Variants in ABCA9 observed in about 807,000 individuals in gnomAD.
ABCA9 encodes ATP binding cassette subfamily A member 9, also known as ATP-binding cassette sub-family A member 9.
In ABCA9, 183 loss-of-function variants were observed where a neutral mutation model predicts 205.3. The ratio of observed to expected loss-of-function variants is 0.89; its 90% CI spans 0.79 to 1.01. The LOEUF (loss-of-function observed/expected upper bound fraction) is 1.01. ABCA9 is among the 50% of genes least tolerant of loss of function. The pLI, the probability that ABCA9 is intolerant of heterozygous loss-of-function variation, is 0.00. For missense variants in ABCA9, 1,805 were observed against 1,912.4 expected, an observed-to-expected ratio of 0.94 and a Z score of 1.05; for synonymous variants, 651 against 683.3, an observed-to-expected ratio of 0.95 and a Z score of 0.74.
intron 12 of ABCA9, 103 bp downstream of exon 12, chr17:69,028,432 T>TG: frequency 1.5e-6 from 1 of 683,448 alleles, no homozygotes; most frequent in Non-Finnish European, 2.3e-6. Flanking sequence ...CCCAAAGTGC[T>TG]GGGATTACAG....
Position 69,020,596 on chromosome 17 carries a change from A to G in ABCA9, c.2402-10T>C. On this transcript the variant is annotated splice_polypyrimidine_tract_variant and intron_variant, in intron 18 of 38. Coordinates refer to ENST00000340001, the MANE Select transcript of ABCA9 (RefSeq NM_080283.4). ...CCCCAAATTCCAATATCTAAAACAT[A>G]AGATCAATATTTTATAAAGTGCCAT... The G allele has an allele frequency of 1.2e-6, 2 of 1,609,350 alleles. No homozygotes were observed. The highest frequency in any genetic ancestry group is 1.7e-6 in the Non-Finnish European group (2 of 1,176,750).
At position 68,982,607 on chromosome 17, in the gene ABCA9, C is replaced by T; in HGVS notation, c.4675G>A (p.Glu1559Lys). Residue 1559 changes from glutamate to lysine, a missense_variant, in exon 37 of 39, where the codon GAG becomes AAG. Physicochemically the swap from Glu to Lys is moderately conservative, Grantham distance 56. Coordinates refer to ENST00000340001, the MANE Select transcript of ABCA9 (RefSeq NM_080283.4). ...GCCTGTGATAAAGGTCGCACATCCT[C>T]AACAGGCAACTTATAGACCATCAGG... The part of the protein sequence containing the change: ...SSLMVYKLPV[E>K]DVRPLSQAFF... 1.9e-6 allele frequency: 3 copies of T among 1,614,070 alleles called. No homozygotes were observed. The highest frequency in any genetic ancestry group is 1.6e-4 in the Middle Eastern group (1 of 6,062).
In ABCA9 at chr17:69,016,279, G is replaced by C. The variant is rs779797453; in HGVS notation, c.3013C>G (p.Gln1005Glu). 17 of 1,593,532 alleles carry C rather than the reference G, an allele frequency of 1.1e-5. No individual in the cohort carries two copies. Among genetic ancestry groups the C allele is most frequent in the Non-Finnish European group, 1.4e-5 (17 of 1,172,444 alleles). ...LGIFNSSEHI[Q>E]TDRSTFFEEH... ...TCAAAAAATGTGCTTCTGTCAGTCT[G>C]AATGTGTTCTGACGAATTAAAAATT... is the stretch of plus-strand genomic sequence containing the variant. Residue 1005 changes from glutamine to glutamate, a missense_variant, in exon 22 of 39, where the codon CAG (glutamine) becomes GAG (glutamate). Physicochemically the swap from Gln to Glu is conservative, Grantham distance 29. Transcript: ENST00000340001.
chr17:68,983,793 T>A lies in ABCA9; in HGVS notation c.4556A>T (p.Glu1519Val), dbSNP rs1483066539. ...TTGTGCCAGGTTCTTCAGCTTCATCTCCAGCAGGTAGTCTTTGCCAAATTT... is the reference window on the plus strand; with the variant it reads ...TTGTGCCAGGTTCTTCAGCTTCATCACCAGCAGGTAGTCTTTGCCAAATTT... ...KSKFGKDYLLEMKLKNLAQME... is the reference protein window; with the variant it reads ...KSKFGKDYLLVMKLKNLAQME... The change falls in exon 36 of 39, where the codon GAG (glutamate) becomes GTG (valine). Residue 1519 changes from glutamate (E) to valine (V), a missense_variant. Transcript: ENST00000340001. 4 of 1,614,074 alleles carry A rather than the reference T, an allele frequency of 2.5e-6. No individual in the cohort carries two copies. The highest frequency in any genetic ancestry group is 3.4e-6 in the Non-Finnish European group (4 of 1,180,048).
At chr17:69,013,993 A>C (rs1464292686) in intron 22 of ABCA9, among the ~76,000 whole-genome samples, 1 of 152,154 alleles carries the variant, frequency 6.6e-6, no homozygotes, top group Non-Finnish European at 1.5e-5. Context: ...TAGTGAAGAC[A>C]TCTTTTTAAA....
At chr17:68,986,103 G>A (rs1199153125) in intron 32 of ABCA9, 61 bp downstream of exon 32, 1 of 1,492,432 alleles carries the variant, frequency 6.7e-7, no homozygotes. Flanking sequence ...TTCATTTTGT[G>A]TGTATGTTAT....
At chr17:68,995,698 TG>T (rs5821694) in intron 26 of ABCA9, among the ~76,000 whole-genome samples, 196 bp downstream of exon 26, 102,404 of 152,008 alleles carry the variant, frequency 0.67, 34,909 homozygotes, top group Middle Eastern at 0.73. Context: ...GCCTTTGACT[TG>T]TCATAAACCA....
intron 4 of ABCA9, 61 bp from the exon 5 acceptor site, chr17:69,044,661 C>A: frequency 2.1e-6 from 3 of 1,463,212 alleles, no homozygotes; most frequent in Non-Finnish European, 2.8e-6. Context: ...CAGAAAAAAA[C>A]AAAATTTCAA....
chr17:69,001,841 C>G (rs979495917), intron 25 of ABCA9, among the ~76,000 whole-genome samples: 113 of 152,164 alleles, frequency 7.4e-4, no homozygotes, highest in African/African-American at 2.6e-3. Context: ...CTGGTTTAGT[C>G]TTGGGAGAGT....
intron 37 of ABCA9, among the ~76,000 whole-genome samples, chr17:68,978,420 C>T (rs1039098998): frequency 3.3e-5 from 5 of 152,240 alleles, no homozygotes; most frequent in African/African-American, 4.8e-5. Flanking sequence ...GATTCTTTAT[C>T]TAATTTGCCA....
At chr17:69,037,635 C>T (rs1270745812) in intron 6 of ABCA9, among the ~76,000 whole-genome samples, 1 of 151,994 alleles carries the variant, frequency 6.6e-6, no homozygotes, top group Non-Finnish European at 1.5e-5. Flanking sequence ...AATTGATACC[C>T]TAACATCACA....
chr17:69,008,675 T>A (rs1351363797), intron 23 of ABCA9, among the ~76,000 whole-genome samples: 2 of 152,222 alleles, frequency 1.3e-5, no homozygotes, highest in Admixed American at 6.5e-5. Flanking sequence ...TAAGAAATGG[T>A]CCTCTAGTTG....
Position 69,045,265 on chromosome 17 carries a change from C to G in ABCA9, c.376G>C (p.Val126Leu). Residue 126 changes from valine (V) to leucine (L), a missense_variant, in exon 4 of 39, where the codon GTG (valine) becomes CTG (leucine). Val to Leu is a conservative substitution (Grantham distance 32). Transcript: ENST00000340001. Reference protein sequence around the residue: ...ELDLNYSIDAVRVIFTDTFSY... With the variant: ...ELDLNYSIDALRVIFTDTFSY... Reference sequence around the variant, plus strand: ...AAGGTATCAGTAAAGATGACTCTCACTGCGTCTATTGAATAGTTCAAATCC... The same window carrying G: ...AAGGTATCAGTAAAGATGACTCTCAGTGCGTCTATTGAATAGTTCAAATCC... 2.5e-6 allele frequency: 4 copies of G among 1,613,150 alleles called. No homozygotes were observed. The highest frequency in any genetic ancestry group is 3.4e-6 in the Non-Finnish European group (4 of 1,179,610).
intron 23 of ABCA9, 41 bp downstream of exon 23, chr17:69,011,935 T>C (rs1338732891): frequency 6.9e-7 from 1 of 1,442,736 alleles, no homozygotes; most frequent in Non-Finnish European, 9.6e-7. Flanking sequence ...GGAAGGGTTC[T>C]CTAGATATAA....
intron 29 of ABCA9, 73 bp from the exon 30 acceptor site, chr17:68,990,003 AC>A (rs2069392266): frequency 9.6e-7 from 1 of 1,045,240 alleles, no homozygotes; most frequent in Non-Finnish European, 1.4e-6. Context: ...CACTCTTGTC[AC>A]CAAACCTTTC....
At chr17:69,045,069 T>A in intron 4 of ABCA9, 103 bp downstream of exon 4, 1 of 848,678 alleles carries the variant, frequency 1.2e-6, no homozygotes, top group Non-Finnish European at 1.8e-6. Flanking sequence ...CTCTATGTTG[T>A]GGTTGTATAT....
At chr17:69,015,217 C>T (rs761097413) in intron 22 of ABCA9, among the ~76,000 whole-genome samples, 12 of 152,176 alleles carry the variant, frequency 7.9e-5, no homozygotes, top group Non-Finnish European at 1.6e-4. Context: ...TACCCACCCT[C>T]TTCCATGCCC....
At position 68,975,519 on chromosome 17, in the gene ABCA9, G is replaced by A. The variant is rs1303390966; in HGVS notation, c.*396C>T. On this transcript the variant is annotated 3_prime_UTR_variant, in exon 39 of 39. Coordinates refer to ENST00000340001, the MANE Select transcript of ABCA9 (RefSeq NM_080283.4). ...ATCAATTGACTCCCCTTACCCGGAA[G>A]TCAATAGGGTGTCTTAATTTATACT... is the stretch of plus-strand genomic sequence containing the variant. 1 of 154,488 alleles carries A rather than the reference G, an allele frequency of 6.5e-6. No individual in the cohort carries two copies. Among genetic ancestry groups the A allele is most frequent in the Non-Finnish European group, 1.4e-5 (1 of 70,274 alleles). The allele number at this position is 154,488 out of a possible 1,614,324, so 9.6% of individuals were successfully genotyped here. A position where few individuals can be genotyped will look rare whatever the true frequency, so the allele number is the denominator to read the frequency against.
chr17:69,034,106 C>T (rs1238794441), intron 8 of ABCA9, among the ~76,000 whole-genome samples: 1 of 152,030 alleles, frequency 6.6e-6, no homozygotes, highest in Non-Finnish European at 1.5e-5. Flanking sequence ...CACAGGCAGC[C>T]CCAGGTACAT....
Sources: gnomAD v4.1 joint callset for allele counts (sites outside exome capture counted in the v4.1 genomes callset) on GRCh38, gnomAD v4.1.1 for gene constraint, MANE v1.5 for transcripts, NCBI Gene and HGNC (gene_info 2026-07-23, HGNC 2026-07-21) for gene names.